FBXW10: variants seen among roughly 807,000 people sequenced by gnomAD.
FBXW10 encodes F-box/WD repeat-containing protein 10.
Under a neutral mutation model 113.1 loss-of-function variants are expected in FBXW10, and 68 were observed. The ratio of observed to expected loss-of-function variants is 0.60; its 90% CI spans 0.49 to 0.74. FBXW10 has a LOEUF of 0.74. Among genes scored for constraint, FBXW10 ranks in the 30% least tolerant of loss-of-function variants. The pLI, the probability that FBXW10 is intolerant of heterozygous loss-of-function variation, is 0.00. For synonymous variants in FBXW10, 289 were observed against 481.6 expected (o/e 0.60, Z 5.24); for missense variants, 753 against 1,284.5 (o/e 0.59, Z 6.32).
chr17:18,766,681 T>A, intron 8 of FBXW10, 33 bp from the exon 9 acceptor site: 1 of 1,607,436 alleles, frequency 6.2e-7, no homozygotes, highest in Non-Finnish European at 8.5e-7. Flanking sequence ...TTTTCCCCAC[T>A]CCCATGTCTT....
intron 11 of FBXW10, among the ~76,000 whole-genome samples, chr17:18,771,753 G>C (rs190398769): frequency 9.8e-5 from 15 of 152,302 alleles, no homozygotes; most frequent in Admixed American, 5.9e-4. Flanking sequence ...TGTGTGCAGA[G>C]TACCTTCTTG....
chr17:18,744,396 T>G lies in FBXW10; in HGVS notation c.152T>G (p.Ile51Arg), dbSNP rs532702039. ...TKEWFCRIND[I>R]SQRRFLVGIL... The stretch of plus-strand genomic sequence containing the variant: ...GAGTGGTTCTGCAGGATCAATGACA[T>G]ATCACAGAGGAGGTTTCTAGTTGGC... The change falls in exon 1 of 14, where the codon ATA (isoleucine) becomes AGA (arginine). Residue 51 changes from isoleucine to arginine, a missense_variant. Physicochemically the swap from Ile to Arg is moderately conservative, Grantham distance 97 (BLOSUM62 -3). Transcript: ENST00000395665. 2.3e-4 allele frequency: 377 copies of G among 1,613,742 alleles called. 3 individuals are homozygous for G. In the East Asian group the frequency reaches 8.2e-3, roughly 35 times the overall value.
chr17:18,776,384 A>G (rs1312490273), intron 13 of FBXW10, among the ~76,000 whole-genome samples: 1 of 152,056 alleles, frequency 6.6e-6, no homozygotes, highest in African/African-American at 2.4e-5. Flanking sequence ...GTTATTTTTT[A>G]AGGACATTGG....
chr17:18,761,268 C>CTT (rs71284781), intron 7 of FBXW10, among the ~76,000 whole-genome samples: 5 of 140,714 alleles, frequency 3.6e-5, no homozygotes, highest in African/African-American at 2.6e-5. Flanking sequence ...TTTCACTTTT[C>CTT]TTTTTTTTTT....
chr17:18,774,515 C>T (rs2035669710), intron 12 of FBXW10, among the ~76,000 whole-genome samples: 3 of 152,196 alleles, frequency 2.0e-5, no homozygotes, highest in South Asian at 4.1e-4. Context: ...AATGTATAGC[C>T]GGGCGCAGTG....
intron 5 of FBXW10, among the ~76,000 whole-genome samples, chr17:18,753,381 A>G (rs369822793): frequency 6.4e-4 from 97 of 152,152 alleles, no homozygotes; most frequent in African/African-American, 2.3e-3. Context: ...CCAGATAAGC[A>G]CAACAAAGAG....
At chr17:18,748,367 T>C (rs2035086088) in intron 2 of FBXW10, among the ~76,000 whole-genome samples, 1 of 130,906 alleles carries the variant, frequency 7.6e-6, no homozygotes, top group Admixed American at 9.5e-5. Flanking sequence ...GCCGAGATCA[T>C]GCCACTGCAC....
chr17:18,757,677 A>G (rs1468385045), intron 6 of FBXW10, among the ~76,000 whole-genome samples: 1 of 152,214 alleles, frequency 6.6e-6, no homozygotes, highest in East Asian at 1.9e-4. Context: ...CCCCTTTCAC[A>G]ATAAAAAACT....
chr17:18,774,262 T>C (rs1323278438), intron 12 of FBXW10, among the ~76,000 whole-genome samples: 1 of 152,220 alleles, frequency 6.6e-6, no homozygotes, highest in Non-Finnish European at 1.5e-5. Context: ...CTGGAAGGAA[T>C]GGTCACGCAC....
In FBXW10 at chr17:18,779,233, A is replaced by G. The variant is rs1301724945; in HGVS notation, c.3094A>G (p.Ile1032Val). 1.5e-6 allele frequency: 2 copies of G among 1,321,644 alleles called. No homozygotes were observed. The highest frequency in any genetic ancestry group is 2.3e-5 in the East Asian group (1 of 43,548). The allele number at this position is 1,321,644 out of a possible 1,614,324, so 81.9% of individuals were successfully genotyped here. A position where few individuals can be genotyped will look rare whatever the true frequency, so the allele number is the denominator to read the frequency against. Residue 1032 changes from isoleucine to valine, a missense_variant, in exon 14 of 14, where the codon ATT (isoleucine) becomes GTT (valine). Coordinates refer to ENST00000395665, the MANE Select transcript of FBXW10 (RefSeq NM_001267585.2). ...GATCAGGAAGATCAAAGGCCTGCCT[A>G]TTGATAATTTCACGAAGCAAGGGAA... is the stretch of plus-strand genomic sequence containing the variant. ...AWIRKIKGLP[I>V]DNFTKQGKTA...
Position 18,749,003 on chromosome 17 carries a change from T to A in FBXW10, c.671-719T>A, listed in dbSNP as rs189895189. 2.0e-4 allele frequency among the ~76,000 whole-genome samples: 30 copies of A among 152,346 alleles called. No homozygotes were observed. In the East Asian group the frequency reaches 5.8e-3, roughly 29 times the overall value. ...CTAAAACACTTTTATATGGAAAATT[T>A]CAAATTTCAAAAGTATGTAGAACAG... On this transcript the variant is annotated intron_variant, in intron 2 of 13. Transcript: ENST00000395665.
At chr17:18,764,458 C>A (rs1157018262) in intron 7 of FBXW10, among the ~76,000 whole-genome samples, 4 of 152,130 alleles carry the variant, frequency 2.6e-5, no homozygotes, top group Non-Finnish European at 4.4e-5. Flanking sequence ...CCTCAGCCTC[C>A]CAAAGTGCTG....
chr17:18,745,725 A>G lies in FBXW10; in HGVS notation c.505+976A>G, dbSNP rs537598372. ...CACTGCACTCGACCAGGGATTCTGT[A>G]TTTCTAACAAGTTTCCAGCTAGTGC... On this transcript the variant is annotated intron_variant, in intron 1 of 13. Transcript: ENST00000395665. Among the ~76,000 whole-genome samples, 3 of 152,172 alleles carry G rather than the reference A, an allele frequency of 2.0e-5. No individual in the cohort carries two copies. In the South Asian group the frequency reaches 6.2e-4, roughly 32 times the overall value.
chr17:18,765,741 T>C (rs1406402844), intron 8 of FBXW10, among the ~76,000 whole-genome samples: 1 of 152,190 alleles, frequency 6.6e-6, no homozygotes, highest in Non-Finnish European at 1.5e-5. Flanking sequence ...CTTCCTTTTT[T>C]TTTTGAGATG....
chr17:18,768,355 C>T (rs573417583), intron 9 of FBXW10, among the ~76,000 whole-genome samples, 179 bp from the exon 10 acceptor site: 3 of 152,200 alleles, frequency 2.0e-5, no homozygotes, highest in Admixed American at 6.5e-5. Context: ...CATGAGCCAC[C>T]GCACCCGGCC....
At chr17:18,754,869 CT>C (rs1264735458) in intron 5 of FBXW10, among the ~76,000 whole-genome samples, 4 of 152,176 alleles carry the variant, frequency 2.6e-5, no homozygotes, top group African/African-American at 9.7e-5. Flanking sequence ...TCCCAGATAC[CT>C]TATCTGTAAA....
At chr17:18,778,436 G>C in intron 13 of FBXW10, 39 bp from the exon 14 acceptor site, 1 of 1,565,878 alleles carries the variant, frequency 6.4e-7, no homozygotes, top group Non-Finnish European at 8.6e-7. Flanking sequence ...ATTTTTCATA[G>C]AACGCCGATT....
In FBXW10 at chr17:18,749,783, A is replaced by T; in HGVS notation, c.732A>T (p.Lys244Asn). 1 of 1,614,244 alleles carries T rather than the reference A, an allele frequency of 6.2e-7. No individual in the cohort carries two copies. The highest frequency in any genetic ancestry group is 8.5e-7 in the Non-Finnish European group (1 of 1,180,040). The change falls in exon 3 of 14, where the codon AAA becomes AAT. Residue 244 changes from lysine to asparagine, a missense_variant. Lys to Asn is a moderately conservative substitution (Grantham distance 94). Coordinates refer to ENST00000395665, the MANE Select transcript of FBXW10 (RefSeq NM_001267585.2). Reference sequence around the variant, plus strand: ...AAATGAATAGGCTGTTTTCTGGAAAAGGAGACATAACCAAGCCAGGGTACG... The same window carrying T: ...AAATGAATAGGCTGTTTTCTGGAAATGGAGACATAACCAAGCCAGGGTACG... Reference protein sequence around the residue: ...ISEMNRLFSGKGDITKPGYDP... With the variant: ...ISEMNRLFSGNGDITKPGYDP...
At position 18,778,669 on chromosome 17, in the gene FBXW10, G is replaced by A. The variant is rs745650756; in HGVS notation, c.2530G>A (p.Val844Ile). ...TAGGCCCCAAACAGAAATTACTGATGTCTGGGGACCTTCAATTTCATACCC... is the reference window on the plus strand; with the variant it reads ...TAGGCCCCAAACAGAAATTACTGATATCTGGGGACCTTCAATTTCATACCC... ...PCRPQTEITD[V>I]WGPSISYPRK... Residue 844 changes from valine to isoleucine, a missense_variant, in exon 14 of 14, where the codon GTC becomes ATC. Val to Ile is a conservative substitution (Grantham distance 29). Transcript: ENST00000395665. The A allele has an allele frequency of 5.0e-6, 8 of 1,613,776 alleles. No homozygotes were observed. The highest frequency in any genetic ancestry group is 2.5e-6 in the Non-Finnish European group (3 of 1,179,844).
Sources: allele counts gnomAD v4.1 joint callset (sites outside exome capture counted in the v4.1 genomes callset), GRCh38; gene constraint gnomAD v4.1.1; transcripts MANE v1.5; gene names NCBI Gene and HGNC (gene_info 2026-07-23, HGNC 2026-07-21).